EPHB1: variants seen among roughly 807,000 people sequenced by gnomAD.
EPHB1 encodes EPH receptor B1, also known as ephrin type-B receptor 1.
Under a neutral mutation model 94.4 loss-of-function variants are expected in EPHB1, and 30 were observed. That is an observed-to-expected ratio of 0.32 (90% confidence interval 0.24 to 0.43). The LOEUF (loss-of-function observed/expected upper bound fraction) is 0.43, where lower values mean the gene tolerates loss of function less well. EPHB1 is among the 20% of genes least tolerant of loss of function. EPHB1 has a pLI of 1.00. For missense variants in EPHB1, 1,055 were observed against 1,308.3 expected (o/e 0.81, Z 2.99); for synonymous variants, 522 against 489.1 (o/e 1.07, Z -0.89).
intron 4 of EPHB1, among the ~76,000 whole-genome samples, chr3:135,115,872 G>T (rs1939678222): frequency 1.3e-5 from 2 of 152,166 alleles, no homozygotes; most frequent in Admixed American, 1.3e-4. Flanking sequence ...GGGTTTTTAT[G>T]AATCATGTTT....
intron 3 of EPHB1, among the ~76,000 whole-genome samples, chr3:135,006,645 C>T (rs1170610711): frequency 6.6e-6 from 1 of 152,156 alleles, no homozygotes; most frequent in Non-Finnish European, 1.5e-5. Flanking sequence ...GTCTGGGCAA[C>T]ATAGTGAGAC....
intron 7 of EPHB1, among the ~76,000 whole-genome samples, chr3:135,162,491 G>A (rs565158670): frequency 6.6e-6 from 1 of 152,286 alleles, no homozygotes; most frequent in South Asian, 2.1e-4. Context: ...AGGTCCAGAT[G>A]CCTCTGTTTC....
chr3:135,051,581 A>G (rs1937169084), intron 3 of EPHB1, among the ~76,000 whole-genome samples: 2 of 152,138 alleles, frequency 1.3e-5, no homozygotes, highest in African/African-American at 4.8e-5. Context: ...ATTTCTCCCC[A>G]CCTGGAGGCA....
intron 1 of EPHB1, among the ~76,000 whole-genome samples, chr3:134,881,065 G>T (rs1405096107): frequency 6.6e-6 from 1 of 152,124 alleles, no homozygotes; most frequent in East Asian, 1.9e-4. Flanking sequence ...TGAGCACTCT[G>T]TTCTAGTGGG....
chr3:134,967,352 TCCC>T (rs1485441749), intron 3 of EPHB1, among the ~76,000 whole-genome samples: 1 of 152,024 alleles, frequency 6.6e-6, no homozygotes, highest in Admixed American at 6.6e-5. Context: ...TCTGAATGTG[TCCC>T]CCAAAAGTTC....
At chr3:134,872,930 A>G (rs568818237) in intron 1 of EPHB1, among the ~76,000 whole-genome samples, 9 of 152,320 alleles carry the variant, frequency 5.9e-5, no homozygotes, top group African/African-American at 2.2e-4. Context: ...GAATGACTGA[A>G]TGATCAATTT....
intron 2 of EPHB1, among the ~76,000 whole-genome samples, chr3:134,930,490 C>A (rs1463466424): frequency 6.6e-6 from 1 of 152,334 alleles, no homozygotes; most frequent in East Asian, 1.9e-4. Context: ...ATCCCAGGGA[C>A]CCTCACCACA....
chr3:135,255,698 AC>A (rs1933352389), intron 15 of EPHB1, among the ~76,000 whole-genome samples: 1 of 151,196 alleles, frequency 6.6e-6, no homozygotes. Flanking sequence ...TATTCTGTTG[AC>A]TTGGGGTGGA....
intron 3 of EPHB1, among the ~76,000 whole-genome samples, chr3:134,974,960 C>T (rs556681123): frequency 1.8e-4 from 27 of 152,212 alleles, no homozygotes; most frequent in Non-Finnish European, 2.9e-5. Context: ...TGCCACTGCC[C>T]ATCCTCTCTG....
At chr3:135,103,270 A>G (rs1427580107) in intron 3 of EPHB1, among the ~76,000 whole-genome samples, 1 of 152,234 alleles carries the variant, frequency 6.6e-6, no homozygotes, top group Admixed American at 6.5e-5. Context: ...AAGGAGATTC[A>G]TACATTTTGT....
At chr3:134,950,354 G>T (rs1231601526) in intron 2 of EPHB1, among the ~76,000 whole-genome samples, 2 of 152,318 alleles carry the variant, frequency 1.3e-5, no homozygotes, top group East Asian at 3.9e-4. Flanking sequence ...AGCTTCATTT[G>T]CTTCATTAAG....
chr3:135,047,220 T>C (rs570329654), intron 3 of EPHB1, among the ~76,000 whole-genome samples: 1 of 152,254 alleles, frequency 6.6e-6, no homozygotes, highest in Non-Finnish European at 1.5e-5. Context: ...AAGTGACAGC[T>C]TACAGAGAGG....
chr3:135,182,551 C>T (rs1405417949), intron 10 of EPHB1, among the ~76,000 whole-genome samples: 1 of 152,152 alleles, frequency 6.6e-6, no homozygotes, highest in East Asian at 1.9e-4. Context: ...TTATTCCACA[C>T]CATCCACACA....
chr3:135,067,858 T>G (rs1937602855), intron 3 of EPHB1: 1 of 152,244 alleles, frequency 6.6e-6, no homozygotes, highest in South Asian at 2.1e-4. Context: ...CCCAGAGCCT[T>G]TCTCGCAGCT....
intron 1 of EPHB1, among the ~76,000 whole-genome samples, chr3:134,803,288 C>T (rs1370503691): frequency 2.0e-5 from 3 of 152,202 alleles, no homozygotes; most frequent in African/African-American, 7.2e-5. Flanking sequence ...TCTGCTTCTC[C>T]ATTTCCCTGT....
At chr3:134,823,374 G>C (rs753347286) in intron 1 of EPHB1, among the ~76,000 whole-genome samples, 44 of 152,176 alleles carry the variant, frequency 2.9e-4, no homozygotes, top group Non-Finnish European at 5.9e-4. Context: ...GGTCCCCTCA[G>C]TTGCTCTCAT....
Position 134,873,232 on chromosome 3 carries a change from G to A in EPHB1, c.59-52584G>A, listed in dbSNP as rs1413384161. Among the ~76,000 whole-genome samples the A allele has an allele frequency of 2.0e-5, 3 of 152,300 alleles. No individual in the cohort carries two copies. In the South Asian group the frequency reaches 6.2e-4, roughly 32 times the overall value. ...TGACAGCAGGCTTCAGAGTGAGTAG[G>A]GGCAGGCAGTGATTCCTCTGTGTTC... is the stretch of plus-strand genomic sequence containing the variant. On this transcript the variant is annotated intron_variant, in intron 1 of 15. Coordinates refer to ENST00000398015, the MANE Select transcript of EPHB1 (RefSeq NM_004441.5).
At chr3:134,845,215 A>G (rs2036850152) in intron 1 of EPHB1, among the ~76,000 whole-genome samples, 2 of 152,354 alleles carry the variant, frequency 1.3e-5, no homozygotes, top group South Asian at 4.1e-4. Context: ...TAGTTGTGTG[A>G]CTGAAATAAG....
chr3:135,249,965 C>T (rs193123404), intron 15 of EPHB1, among the ~76,000 whole-genome samples: 10 of 152,274 alleles, frequency 6.6e-5, no homozygotes, highest in Admixed American at 5.9e-4. Context: ...TCTGTGGCTC[C>T]CTCAGGAGTT....
Sources: gnomAD v4.1 joint callset for allele counts (sites outside exome capture counted in the v4.1 genomes callset) on GRCh38, gnomAD v4.1.1 for gene constraint, MANE v1.5 for transcripts, NCBI Gene and HGNC (gene_info 2026-07-23, HGNC 2026-07-21) for gene names.